Variants in SLC10A7 observed in about 807,000 individuals in gnomAD.
SLC10A7 encodes sodium/bile acid cotransporter 7.
SLC10A7 carries 29 observed loss-of-function variants against 43.2 expected under a neutral mutation model. The ratio of observed to expected loss-of-function variants is 0.67; its 90% CI spans 0.50 to 0.92. The LOEUF is 0.92. SLC10A7 is among the 40% of genes least tolerant of loss of function. The pLI, the probability that SLC10A7 is intolerant of heterozygous loss-of-function variation, is 0.00. For missense variants in SLC10A7, 295 were observed against 403.2 expected (o/e 0.73, Z 2.30); for synonymous variants, 152 against 144.8 (o/e 1.05, Z -0.35).
intron 5 of SLC10A7, among the ~76,000 whole-genome samples, chr4:146,327,027 A>T (rs532415346): frequency 4.7e-4 from 71 of 152,152 alleles, no homozygotes; most frequent in African/African-American, 1.6e-3. Context: ...ATATCCAGAC[A>T]GTGTCCAAGA....
chr4:146,276,685 C>T, intron 10 of SLC10A7, among the ~76,000 whole-genome samples: 1 of 152,134 alleles, frequency 6.6e-6, no homozygotes, highest in East Asian at 1.9e-4. Context: ...TGCAGTGGCT[C>T]ATACTTGTAA....
At chr4:146,394,254 T>C (rs1303451682) in intron 5 of SLC10A7, among the ~76,000 whole-genome samples, 1 of 152,196 alleles carries the variant, frequency 6.6e-6, no homozygotes, top group Non-Finnish European at 1.5e-5. Context: ...ACATCCTACC[T>C]CATTAAATCT....
chr4:146,256,981 T>A lies in SLC10A7; in HGVS notation c.994-461A>T, dbSNP rs1228425722. The A allele has an allele frequency of 4.6e-6, 6 of 1,303,806 alleles. No individual in the cohort carries two copies. The African/African-American group carries it at 7.3e-5, about 16-fold the overall frequency. The allele number at this position is 1,303,806 out of a possible 1,614,324, so 80.8% of individuals were successfully genotyped here. ...ACAACAGTGTACAATTTAGTCTCCC[T>A]TTTGGAAATGCTTCTGTTATTCTAC... On this transcript the variant is annotated intron_variant, in intron 11 of 11. Transcript: ENST00000335472.
At chr4:146,344,944 C>T (rs1311511962) in intron 5 of SLC10A7, among the ~76,000 whole-genome samples, 7 of 152,026 alleles carry the variant, frequency 4.6e-5, no homozygotes, top group African/African-American at 2.4e-5. Flanking sequence ...TCTCTCTGGT[C>T]GTCAGCAAAT....
chr4:146,326,976 AG>A, intron 5 of SLC10A7, among the ~76,000 whole-genome samples: 1 of 6,626 alleles, frequency 1.5e-4, no homozygotes, highest in Admixed American at 2.2e-3. Flanking sequence ...ACAGAAAAAG[AG>A]AGAGAGAGAG....
chr4:146,318,855 C>T (rs1732501551), intron 6 of SLC10A7, among the ~76,000 whole-genome samples: 1 of 151,972 alleles, frequency 6.6e-6, no homozygotes, highest in Non-Finnish European at 1.5e-5. Flanking sequence ...TTTGACTCTT[C>T]TCTTTCCCAA....
intron 10 of SLC10A7, among the ~76,000 whole-genome samples, chr4:146,268,901 T>C (rs2111038146): frequency 6.6e-6 from 1 of 152,182 alleles, no homozygotes; most frequent in South Asian, 2.1e-4. Flanking sequence ...TAAGATAGAA[T>C]AATGGATGGT....
chr4:146,342,924 G>A (rs1734365685), intron 5 of SLC10A7, among the ~76,000 whole-genome samples: 1 of 151,624 alleles, frequency 6.6e-6, no homozygotes, highest in African/African-American at 2.4e-5. Flanking sequence ...TAAATAAGAA[G>A]AGTAATATAA....
intron 5 of SLC10A7, among the ~76,000 whole-genome samples, chr4:146,361,408 A>G (rs902935473): frequency 1.3e-5 from 2 of 152,220 alleles, no homozygotes; most frequent in Non-Finnish European, 2.9e-5. Flanking sequence ...GGTTGTAAAG[A>G]CATGTAGAAA....
intron 4 of SLC10A7, among the ~76,000 whole-genome samples, chr4:146,479,189 A>G (rs1200293745): frequency 1.3e-5 from 2 of 152,162 alleles, no homozygotes; most frequent in African/African-American, 4.8e-5. Context: ...TAGAAAACTC[A>G]CCAGATTGCC....
At chr4:146,497,607 A>C (rs997199024) in intron 4 of SLC10A7, among the ~76,000 whole-genome samples, 1 of 152,106 alleles carries the variant, frequency 6.6e-6, no homozygotes, top group Admixed American at 6.6e-5. Context: ...TCCTTTTCTC[A>C]GCATGCAAAA....
chr4:146,315,840 A>G (rs1460760853), intron 6 of SLC10A7, among the ~76,000 whole-genome samples: 1 of 152,164 alleles, frequency 6.6e-6, no homozygotes, highest in East Asian at 1.9e-4. Context: ...AGCAAATAAA[A>G]GGTAAGATGT....
In SLC10A7 at chr4:146,387,047, T is replaced by C. The variant is rs188670691; in HGVS notation, c.435+55736A>G. ...TCTACTTCTGACCTTTTAGCAACTT[T>C]CTTTGTAATTTAATGCAAATTAAAA... On this transcript the variant is annotated intron_variant, in intron 5 of 11. Transcript: ENST00000335472. Among the ~76,000 whole-genome samples the C allele has an allele frequency of 1.2e-4, 19 of 152,342 alleles. No individual in the cohort carries two copies. In the East Asian group the frequency reaches 3.7e-3, roughly 29 times the overall value.
At chr4:146,452,573 T>G (rs193028621) in intron 4 of SLC10A7, among the ~76,000 whole-genome samples, 4 of 152,122 alleles carry the variant, frequency 2.6e-5, no homozygotes. Context: ...CTTTCTCTTA[T>G]GCAACTTAGT....
chr4:146,401,686 C>A (rs1739236873), intron 5 of SLC10A7, among the ~76,000 whole-genome samples: 2 of 152,140 alleles, frequency 1.3e-5, no homozygotes, highest in Admixed American at 1.3e-4. Context: ...ATTCACAGAG[C>A]AGCACAGACT....
chr4:146,276,778 C>T (rs937113996), intron 10 of SLC10A7, among the ~76,000 whole-genome samples: 4 of 151,898 alleles, frequency 2.6e-5, no homozygotes, highest in African/African-American at 9.7e-5. Context: ...AACGAAGCCC[C>T]CGTCTCTACA....
intron 10 of SLC10A7, among the ~76,000 whole-genome samples, chr4:146,264,000 C>T (rs1728395206): frequency 6.6e-6 from 1 of 152,216 alleles, no homozygotes; most frequent in African/African-American, 2.4e-5. Flanking sequence ...CCATGTCACA[C>T]ATGACACATT....
intron 6 of SLC10A7, among the ~76,000 whole-genome samples, chr4:146,321,870 T>C (rs1217737137): frequency 6.6e-6 from 1 of 152,184 alleles, no homozygotes; most frequent in African/African-American, 2.4e-5. Flanking sequence ...ATTTCCATTG[T>C]TTATAAAATG....
chr4:146,365,136 A>T lies in SLC10A7; in HGVS notation c.436-39140T>A, dbSNP rs1025839710. ...TGATTATTATATGTTATATATTATG[A>T]CCACATAAGACTCAGTAAGTATAGA... On this transcript the variant is annotated intron_variant, in intron 5 of 11. Transcript: ENST00000335472. 1.3e-5 allele frequency among the ~76,000 whole-genome samples: 2 copies of T among 152,186 alleles called. 1 individual carries two copies. Among genetic ancestry groups the T allele is most frequent in the South Asian group, 4.1e-4 (2 of 4,826 alleles).
Sources: allele counts gnomAD v4.1 joint callset (sites outside exome capture counted in the v4.1 genomes callset), GRCh38; gene constraint gnomAD v4.1.1; transcripts MANE v1.5; gene names NCBI Gene and HGNC (gene_info 2026-07-23, HGNC 2026-07-21).